Variants in IMPG1 observed in about 807,000 individuals in gnomAD.
The protein encoded by IMPG1 is interphotoreceptor matrix proteoglycan 1, also known as interphotoreceptor matrix proteoglycan of 150 kDa.
A neutral mutation model predicts 92.0 loss-of-function variants in IMPG1; 85 were observed. The ratio of observed to expected loss-of-function variants is 0.92; its 90% CI spans 0.78 to 1.11. The LOEUF is 1.11. Among genes scored for constraint, IMPG1 ranks in the 50% least tolerant of loss-of-function variants. The pLI is 0.00. For missense variants in IMPG1, 1,022 were observed against 956.0 expected (o/e 1.07, Z -0.91); for synonymous variants, 367 against 334.1 (o/e 1.10, Z -1.08).
intron 4 of IMPG1, among the ~76,000 whole-genome samples, chr6:76,031,928 C>G (rs1310278394): frequency 1.3e-5 from 2 of 152,222 alleles, no homozygotes; most frequent in Non-Finnish European, 2.9e-5. Context: ...CACCGAGGAT[C>G]TGTAATTTGG....
intron 14 of IMPG1, among the ~76,000 whole-genome samples, chr6:75,940,440 C>T (rs1334138266): frequency 1.3e-5 from 2 of 152,140 alleles, no homozygotes; most frequent in African/African-American, 4.8e-5. Flanking sequence ...AATATACGCA[C>T]CACCCTTTGT....
intron 9 of IMPG1, 73 bp from the exon 10 acceptor site, chr6:76,005,607 G>T: frequency 1.3e-6 from 2 of 1,509,736 alleles, no homozygotes. Flanking sequence ...TCACTAGATT[G>T]CTACAAAGCT....
At chr6:75,942,609 T>C (rs912554372) in intron 14 of IMPG1, among the ~76,000 whole-genome samples, 1 of 152,208 alleles carries the variant, frequency 6.6e-6, no homozygotes, top group Non-Finnish European at 1.5e-5. Context: ...GACAGCACGA[T>C]CTGCTGGTTG....
intron 14 of IMPG1, chr6:75,934,954 A>G: frequency 2.1e-6 from 1 of 471,536 alleles, no homozygotes; most frequent in South Asian, 1.5e-5. Context: ...ATCTCCTTTG[A>G]TTGGATCCTG....
At chr6:75,950,242 T>A (rs1390399718) in intron 13 of IMPG1, among the ~76,000 whole-genome samples, 8 of 152,180 alleles carry the variant, frequency 5.3e-5, no homozygotes, top group Admixed American at 5.2e-4. Flanking sequence ...TATTTTTAGA[T>A]TCCATGTTCA....
rs776150123 is a variant in IMPG1 at position 76,022,077 on chromosome 6, G to A, written c.666+39C>T. ...CCTGTTTTGCTAAAGAACAAAAACA[G>A]GCACATGAAGAGCTAGATCAACTCT... On this transcript the variant is annotated intron_variant, in intron 6 of 16. Transcript: ENST00000369950. 12 of 1,118,676 alleles carry A rather than the reference G, an allele frequency of 1.1e-5. 1 individual carries two copies. In the South Asian group the frequency reaches 1.4e-4, roughly 13 times the overall value. 69.3% of individuals were successfully genotyped at this position (1,118,676 alleles called of 1,614,324 possible).
chr6:75,968,995 A>C (rs1782357425), intron 12 of IMPG1, among the ~76,000 whole-genome samples: 1 of 152,254 alleles, frequency 6.6e-6, no homozygotes, highest in South Asian at 2.1e-4. Context: ...TTAAAAAAGA[A>C]GAAAATTCTG....
intron 15 of IMPG1, among the ~76,000 whole-genome samples, chr6:75,925,437 A>G (rs1010075938): frequency 2.6e-5 from 4 of 152,000 alleles, no homozygotes; most frequent in African/African-American, 7.3e-5. Flanking sequence ...CTCAACATCA[A>G]TTTATTACAA....
chr6:75,971,765 T>C (rs1357949661), intron 12 of IMPG1, among the ~76,000 whole-genome samples: 1 of 152,176 alleles, frequency 6.6e-6, no homozygotes, highest in African/African-American at 2.4e-5. Context: ...AACCTCTTAG[T>C]GGTAGAATAT....
At chr6:75,964,847 C>T (rs1351340900) in intron 12 of IMPG1, among the ~76,000 whole-genome samples, 3 of 152,004 alleles carry the variant, frequency 2.0e-5, no homozygotes, top group Non-Finnish European at 4.4e-5. Context: ...TTCATGTTGC[C>T]CTTTTACAGT....
At chr6:76,044,315 A>G (rs1446231448) in intron 1 of IMPG1, among the ~76,000 whole-genome samples, 1 of 152,204 alleles carries the variant, frequency 6.6e-6, no homozygotes, top group Non-Finnish European at 1.5e-5. Context: ...TTATATTTGA[A>G]TTGCCATTTA....
intron 5 of IMPG1, among the ~76,000 whole-genome samples, chr6:76,022,666 A>G (rs117720722): frequency 1.3e-5 from 2 of 152,354 alleles, no homozygotes; most frequent in Non-Finnish European, 2.9e-5. Flanking sequence ...AAGAACATTT[A>G]AGATGCTATG....
intron 4 of IMPG1, among the ~76,000 whole-genome samples, chr6:76,031,757 T>G (rs1408057773): frequency 6.6e-6 from 1 of 152,180 alleles, no homozygotes; most frequent in Non-Finnish European, 1.5e-5. Context: ...TTCCCTGTCT[T>G]GCTGTAAAAA....
intron 8 of IMPG1, among the ~76,000 whole-genome samples, chr6:76,010,129 T>C (rs1251149021): frequency 6.6e-6 from 1 of 152,242 alleles, no homozygotes; most frequent in Non-Finnish European, 1.5e-5. Context: ...CAGAGGGGCC[T>C]GATAGCTTTG....
intron 12 of IMPG1, among the ~76,000 whole-genome samples, chr6:75,991,570 T>C (rs1782813506): frequency 6.6e-6 from 1 of 152,178 alleles, no homozygotes; most frequent in South Asian, 2.1e-4. Flanking sequence ...ATTGTGGAAC[T>C]GGTTAGATGC....
chr6:76,000,852 A>G (rs1782975421), intron 12 of IMPG1, among the ~76,000 whole-genome samples: 1 of 152,242 alleles, frequency 6.6e-6, no homozygotes, highest in Admixed American at 6.5e-5. Context: ...AAATTGACAG[A>G]GTAGTGAAAT....
intron 1 of IMPG1, among the ~76,000 whole-genome samples, chr6:76,060,752 C>T (rs185667834): frequency 4.7e-4 from 71 of 152,256 alleles, no homozygotes; most frequent in Admixed American, 1.8e-3. Context: ...TCCTTCCCCA[C>T]GACTGCAGAG....
At chr6:75,942,516 A>G (rs1781851586) in intron 14 of IMPG1, among the ~76,000 whole-genome samples, 1 of 152,214 alleles carries the variant, frequency 6.6e-6, no homozygotes, top group Admixed American at 6.5e-5. Flanking sequence ...AATAGAGCCA[A>G]GAGCTGTGTA....
intron 15 of IMPG1, among the ~76,000 whole-genome samples, chr6:75,927,240 TA>T (rs1366079894): frequency 1.3e-5 from 2 of 152,126 alleles, no homozygotes; most frequent in Non-Finnish European, 2.9e-5. Context: ...TTATTCCTGT[TA>T]TTCCCATTAG....
Sources: allele counts gnomAD v4.1 joint callset (sites outside exome capture counted in the v4.1 genomes callset), GRCh38; gene constraint gnomAD v4.1.1; transcripts MANE v1.5; gene names NCBI Gene and HGNC (gene_info 2026-07-23, HGNC 2026-07-21).